Variants in FAAP20 observed in about 807,000 individuals in gnomAD.
FAAP20 encodes the protein FA core complex associated protein 20, also known as Fanconi anemia core complex-associated protein 20.
Under a neutral mutation model 16.2 loss-of-function variants are expected in FAAP20, and 12 were observed. The ratio of observed to expected loss-of-function variants is 0.74; its 90% confidence interval spans 0.48 to 1.20. The LOEUF is 1.20. Ranked by LOEUF, FAAP20 falls within the 50% of genes most tolerant of loss-of-function variation. The pLI is 0.00. For synonymous variants in FAAP20, 141 were observed against 110.7 expected (o/e 1.27, Z -1.72); for missense variants, 288 against 245.8 (o/e 1.17, Z -1.15).
chr1:2,187,228 T>C, downstream of FAAP20: 2 of 462,404 alleles, frequency 4.3e-6, no homozygotes, highest in Non-Finnish European at 4.5e-6. Context: ...ATGTTCACAT[T>C]ATTATTTTCA....
chr1:2,207,909 CGTGTGTGTGTGT>C (rs58549960), downstream of FAAP20, among the ~76,000 whole-genome samples: 303 of 145,874 alleles, frequency 2.1e-3, 3 homozygotes, highest in South Asian at 0.035. Flanking sequence ...TGGTAACACC[CGTGTGTGTGTGT>C]GTGTGTGTGT....
rs768716037 is a variant in FAAP20 at position 2,194,182 on chromosome 1, C to T, written c.63-49G>A. On this transcript the variant is annotated intron_variant, in intron 1 of 3. Transcript: ENST00000378546. ...CAGGGGGTACTCAGTAGCGGAAACG[C>T]TATGGTGGGGAGACCCGGGAGGGCC... is the stretch of plus-strand genomic sequence containing the variant. The T allele has an allele frequency of 2.1e-5, 33 of 1,603,312 alleles. No homozygotes were observed. The East Asian group carries it at 7.2e-4, about 35-fold the overall frequency.
upstream of FAAP20, chr1:2,200,475 T>G: frequency 4.4e-6 from 1 of 228,072 alleles, no homozygotes; most frequent in Non-Finnish European, 7.2e-6. Flanking sequence ...GTGGAGCAGC[T>G]GCACGCCAGG....
At chr1:2,194,596 G>A (rs1302391352) in intron 1 of FAAP20, 92 bp downstream of exon 1, 137 of 659,310 alleles carry the variant, frequency 2.1e-4, no homozygotes, top group Non-Finnish European at 2.7e-4. Flanking sequence ...GCCCTCCCCA[G>A]GGGGAGAATA....
rs1193584623 is a variant in FAAP20, at chr1:2,193,071, GCAT to G, written c.470+565_470+567del. The stretch of plus-strand genomic sequence containing the variant: ...TAACTCAACCAAAAGTTACGAACCA[GCAT>G]CATTCACACCACCCCAGCCCCAGGA... On this transcript the variant is annotated intron_variant, in intron 3 of 3. Coordinates refer to ENST00000378546, the MANE Select transcript of FAAP20 (RefSeq NM_182533.4). The G allele has an allele frequency of 2.5e-6, 3 of 1,216,148 alleles. No individual in the cohort carries two copies. The African/African-American group carries it at 4.7e-5, about 19-fold the overall frequency. The allele number at this position is 1,216,148 out of a possible 1,614,324, so 75.3% of individuals were successfully genotyped here. A position where few individuals can be genotyped will look rare whatever the true frequency, so the allele number is the denominator to read the frequency against.
chr1:2,210,419 C>T (rs1209727865), downstream of FAAP20, among the ~76,000 whole-genome samples: 1 of 152,332 alleles, frequency 6.6e-6, no homozygotes, highest in Non-Finnish European at 1.5e-5. Context: ...GCCCACAGCC[C>T]TGCCTGCCGC....
Position 2,194,080 on chromosome 1 carries a change from A to G in FAAP20, c.116T>C (p.Leu39Pro). ...CACCGTGCGCAGTAGCTCGGCCCAGAGCCGCTCCCGCTCATCACCCCCCAG... is the reference window on the plus strand; with the variant it reads ...CACCGTGCGCAGTAGCTCGGCCCAGGGCCGCTCCCGCTCATCACCCCCCAG... ...FLLGGDERERLWAELLRTVSP... is the reference protein window; with the variant it reads ...FLLGGDERERPWAELLRTVSP... Residue 39 changes from leucine (L) to proline (P), a missense_variant, in exon 2 of 4, where the codon CTC becomes CCC. Leu to Pro is a moderately conservative substitution (Grantham distance 98, BLOSUM62 -3). Transcript: ENST00000378546. The G allele has an allele frequency of 1.2e-6, 2 of 1,612,454 alleles. No homozygotes were observed. Among genetic ancestry groups the G allele is most frequent in the South Asian group, 1.1e-5 (1 of 91,076 alleles).
In FAAP20 at chr1:2,193,912, T is replaced by C. The variant is rs1288764082; in HGVS notation, c.199-2A>G. On this transcript the variant is annotated splice_acceptor_variant, in intron 2 of 3. Transcript: ENST00000378546. LOFTEE classifies it high-confidence loss of function. The stretch of plus-strand genomic sequence containing the variant: ...GGGCTCCGGGCCGCACCTGGGCTCC[T>C]GCAACACAGAGTTGTTGGGCCTTGC... 1.2e-6 allele frequency: 2 copies of C among 1,612,022 alleles called. No individual in the cohort carries two copies. Among genetic ancestry groups the C allele is most frequent in the Non-Finnish European group, 1.7e-6 (2 of 1,179,668 alleles).
intron 3 of FAAP20, 35 bp downstream of exon 3, chr1:2,193,604 G>C (rs1688495587): frequency 6.3e-7 from 1 of 1,578,686 alleles, no homozygotes; most frequent in Admixed American, 2.0e-5. Flanking sequence ...AACACGGATG[G>C]ATAACCGGGC....
chr1:2,192,685 T>C, intron 3 of FAAP20: 1 of 1,190,552 alleles, frequency 8.4e-7, no homozygotes, highest in South Asian at 1.5e-5. Flanking sequence ...GCAATCATAC[T>C]TCACTACAGC....
At chr1:2,190,282 C>T (rs1688054907) in intron 3 of FAAP20, 2 of 456,496 alleles carry the variant, frequency 4.4e-6, no homozygotes, top group Non-Finnish European at 4.4e-6. Context: ...CGGAGAAGGA[C>T]GCCGTCACCG....
chr1:2,191,838 G>A (rs977031452), intron 3 of FAAP20: 4 of 985,320 alleles, frequency 4.1e-6, no homozygotes, highest in South Asian at 4.7e-5. Context: ...CCCTCACCAG[G>A]TGCCCAGCTT....
chr1:2,193,898 C>T lies in FAAP20; in HGVS notation c.211G>A (p.Gly71Ser), dbSNP rs377642708. 217 of 1,611,950 alleles carry T rather than the reference C, an allele frequency of 1.3e-4. No individual in the cohort carries two copies. The highest frequency in any genetic ancestry group is 1.8e-4 in the Non-Finnish European group (214 of 1,179,700). ...PAFPGQEPRC[G>S]PEPTEVFTVG... ...GTGAAGACTTCAGTGGGCTCCGGGC[C>T]GCACCTGGGCTCCTGCAACACAGAG... The change falls in exon 3 of 4, where the codon GGC becomes AGC. Residue 71 changes from glycine (G) to serine (S), a missense_variant. Coordinates refer to ENST00000378546, the MANE Select transcript of FAAP20 (RefSeq NM_182533.4).
downstream of FAAP20, among the ~76,000 whole-genome samples, chr1:2,209,375 AG>A (rs1300789797): frequency 2.6e-5 from 4 of 152,200 alleles, no homozygotes; most frequent in Non-Finnish European, 5.9e-5. Flanking sequence ...CATCCAACAT[AG>A]AACATTTGGA....
At chr1:2,184,774 G>A (rs1013543906), downstream of FAAP20, 80 of 1,475,814 alleles carry the variant, frequency 5.4e-5, no homozygotes, top group Non-Finnish European at 7.3e-5. Context: ...TGGGCAGCTG[G>A]TGACCCAGCC....
downstream of FAAP20, among the ~76,000 whole-genome samples, chr1:2,210,277 G>A (rs1016072718): frequency 6.6e-6 from 1 of 152,236 alleles, no homozygotes; most frequent in African/African-American, 2.4e-5. Context: ...TTTCTGTATC[G>A]TTTCTGGGAG....
At chr1:2,189,962 G>A (rs1572099416) in intron 3 of FAAP20, 181 bp from the exon 4 acceptor site, 4 of 641,092 alleles carry the variant, frequency 6.2e-6, no homozygotes, top group African/African-American at 5.4e-5. Flanking sequence ...ACCGCCAGTG[G>A]TGTTTCCACA....
chr1:2,200,924 C>T, upstream of FAAP20: 1 of 1,151,514 alleles, frequency 8.7e-7, no homozygotes, highest in African/African-American at 1.6e-5. Context: ...GGCTTCTCGG[C>T]TCTGTAGAAT....
downstream of FAAP20, among the ~76,000 whole-genome samples, chr1:2,211,439 T>A (rs372933709): frequency 0.011 from 222 of 19,986 alleles, no homozygotes; most frequent in Non-Finnish European, 0.015. Flanking sequence ...ATATATATTT[T>A]TTTTTTTTTT....
Sources: gnomAD v4.1 joint callset for allele counts (sites outside exome capture counted in the v4.1 genomes callset) on GRCh38, gnomAD v4.1.1 for gene constraint, MANE v1.5 for transcripts, NCBI Gene and HGNC (gene_info 2026-07-23, HGNC 2026-07-21) for gene names.